The following KANK1 variants were observed in gnomAD, a reference collection of about 807,000 sequenced individuals.
KANK1 encodes KN motif and ankyrin repeat domain-containing protein 1.
Under a neutral mutation model 106.2 loss-of-function variants are expected in KANK1, and 109 were observed. The ratio of observed to expected loss-of-function variants is 1.03; its 90% CI spans 0.88 to 1.20. KANK1 has a LOEUF of 1.20. KANK1 is among the 50% of genes most tolerant of loss of function. KANK1 has a pLI of 0.00. For missense variants in KANK1, 2,399 were observed against 1,710.7 expected, an observed-to-expected ratio of 1.40 and a Z score of -7.10; for synonymous variants, 873 against 652.2, an observed-to-expected ratio of 1.34 and a Z score of -5.16.
chr9:582,455 T>A (rs1822414148), intron 1 of KANK1, among the ~76,000 whole-genome samples: 1 of 152,168 alleles, frequency 6.6e-6, no homozygotes, highest in South Asian at 2.1e-4. Flanking sequence ...TCTGTTAATA[T>A]TCCTGCAAAG....
chr9:632,794 A>G (rs1275181055), intron 1 of KANK1, among the ~76,000 whole-genome samples: 1 of 151,996 alleles, frequency 6.6e-6, no homozygotes. Context: ...GGTTCAGGTG[A>G]TTCTCCTGCC....
chr9:520,065 C>T (rs1017606183), intron 1 of KANK1, among the ~76,000 whole-genome samples: 4 of 151,746 alleles, frequency 2.6e-5, no homozygotes, highest in African/African-American at 4.9e-5. Context: ...TAGCCGGGTG[C>T]GGTGGCTCAC....
intron 2 of KANK1, among the ~76,000 whole-genome samples, chr9:698,699 C>G (rs1339257793): frequency 6.6e-6 from 1 of 152,124 alleles, no homozygotes; most frequent in East Asian, 1.9e-4. Context: ...CAGAACTTAT[C>G]TTACTATTAC....
At chr9:614,847 C>T (rs1032601989) in intron 1 of KANK1, among the ~76,000 whole-genome samples, 2 of 152,112 alleles carry the variant, frequency 1.3e-5, no homozygotes, top group Non-Finnish European at 2.9e-5. Flanking sequence ...TCACCTTAAA[C>T]TTCTGCTCAT....
intron 3 of KANK1, among the ~76,000 whole-genome samples, chr9:714,715 GCTCACTCTTCCTT>G (rs1175439256): frequency 6.6e-6 from 1 of 152,070 alleles, no homozygotes. Flanking sequence ...TGGGATTCCT[GCTCACTCTTCCTT>G]CTTGAAATTG....
intron 1 of KANK1, among the ~76,000 whole-genome samples, chr9:631,552 T>A (rs1835742990): frequency 6.6e-6 from 1 of 152,128 alleles, no homozygotes; most frequent in African/African-American, 2.4e-5. Flanking sequence ...TCTTCCACAT[T>A]CCTCCTCCTC....
intron 1 of KANK1, among the ~76,000 whole-genome samples, chr9:632,543 A>G (rs1410003146): frequency 3.3e-5 from 5 of 152,130 alleles, no homozygotes; most frequent in Non-Finnish European, 5.9e-5. Flanking sequence ...ATTTTTTACA[A>G]CTTCTTTCAA....
At chr9:699,941 C>G (rs573573962) in intron 2 of KANK1, among the ~76,000 whole-genome samples, 5 of 152,034 alleles carry the variant, frequency 3.3e-5, no homozygotes, top group Admixed American at 2.6e-4. Context: ...GTGATCGTGC[C>G]GCTACACTCC....
At chr9:732,732 G>C in intron 6 of KANK1, 115 bp downstream of exon 6, 5 of 1,170,944 alleles carry the variant, frequency 4.3e-6, no homozygotes, top group Non-Finnish European at 6.1e-6. Context: ...CTGTTCCTCA[G>C]AGGTATACAC....
intron 1 of KANK1, among the ~76,000 whole-genome samples, chr9:666,280 T>G (rs1238566638): frequency 6.6e-6 from 1 of 152,236 alleles, no homozygotes; most frequent in Non-Finnish European, 1.5e-5. Context: ...TATTGGTATA[T>G]ATAAATGCTA....
At chr9:602,008 T>C (rs1827868673) in intron 1 of KANK1, among the ~76,000 whole-genome samples, 2 of 151,904 alleles carry the variant, frequency 1.3e-5, no homozygotes, top group African/African-American at 4.9e-5. Flanking sequence ...CTGAAACTCG[T>C]TTTTAACACT....
chr9:600,494 C>T (rs115776111), intron 1 of KANK1, among the ~76,000 whole-genome samples: 3 of 151,694 alleles, frequency 2.0e-5, no homozygotes, highest in African/African-American at 2.4e-5. Flanking sequence ...TGGTAACATA[C>T]GTAATAATCT....
At chr9:501,349 T>C (rs141447908), upstream of KANK1, among the ~76,000 whole-genome samples, 121 of 152,174 alleles carry the variant, frequency 8.0e-4, no homozygotes, top group Admixed American at 2.2e-3. Flanking sequence ...TCAGTACCAG[T>C]CTCCATCTTT....
chr9:631,536 T>C (rs975607366), intron 1 of KANK1, among the ~76,000 whole-genome samples: 3 of 80,644 alleles, frequency 3.7e-5, no homozygotes, highest in Non-Finnish European at 6.0e-5. Flanking sequence ...CCTCTTAGGA[T>C]CTCCTTCTTC....
intron 1 of KANK1, among the ~76,000 whole-genome samples, chr9:626,253 C>A (rs1024198164): frequency 2.0e-5 from 3 of 151,978 alleles, no homozygotes; most frequent in Non-Finnish European, 4.4e-5. Flanking sequence ...CATCTGAGGT[C>A]GGGAGTGACT....
At chr9:558,792 A>C (rs966327604) in intron 1 of KANK1, 7 of 151,976 alleles carry the variant, frequency 4.6e-5, no homozygotes, top group African/African-American at 1.7e-4. Flanking sequence ...TCAGCTGGGT[A>C]CATGTATGTG....
chr9:511,086 T>C (rs2059009698), intron 1 of KANK1, among the ~76,000 whole-genome samples: 1 of 150,636 alleles, frequency 6.6e-6, no homozygotes, highest in Non-Finnish European at 1.5e-5. Context: ...AAATACTCAA[T>C]ATCGATACAA....
In KANK1 at chr9:515,344, C is replaced by CAA. The variant is rs1305073521; in HGVS notation, c.-84+10603_-84+10604dup. ...TGGGTGAAAGAGCAAGACTCCTTCT[C>CAA]AAAAAAAAAAAAAAGAAAAAAAAGC... On this transcript the variant is annotated intron_variant, in intron 1 of 11. Coordinates refer to ENST00000382297, the MANE Select transcript of KANK1 (RefSeq NM_015158.5). Among the ~76,000 whole-genome samples, 117 of 85,712 alleles carry CAA rather than the reference C, an allele frequency of 1.4e-3. 2 individuals are homozygous for CAA. Among genetic ancestry groups the CAA allele is most frequent in the Admixed American group, 4.2e-3 (32 of 7,586 alleles). 56.2% of individuals were successfully genotyped at this position (85,712 alleles called of 152,430 possible).
chr9:573,146 AC>A (rs1819642372), intron 1 of KANK1, among the ~76,000 whole-genome samples: 1 of 152,232 alleles, frequency 6.6e-6, no homozygotes, highest in Admixed American at 6.5e-5. Context: ...TGATGTCATT[AC>A]CAAAGGACAG....
Sources: gnomAD v4.1 joint callset for allele counts (sites outside exome capture counted in the v4.1 genomes callset) on GRCh38, gnomAD v4.1.1 for gene constraint, MANE v1.5 for transcripts, NCBI Gene and HGNC (gene_info 2026-07-23, HGNC 2026-07-21) for gene names.